The following ZFAND3 variants were observed in gnomAD, a reference collection of about 807,000 sequenced individuals.
The protein encoded by ZFAND3 is AN1-type zinc finger protein 3.
Under a neutral mutation model 29.6 loss-of-function variants are expected in ZFAND3, and 10 were observed. That is an observed-to-expected ratio of 0.34 (90% CI 0.21 to 0.57). ZFAND3 has a LOEUF of 0.57. ZFAND3 is among the 20% of genes least tolerant of loss of function. The probability of loss-of-function intolerance (pLI) is 0.86; values close to 1 mark genes in which losing one functional copy is unlikely to be tolerated. For missense variants in ZFAND3, 230 were observed against 304.5 expected, an observed-to-expected ratio of 0.76 and a Z score of 1.82; for synonymous variants, 128 against 112.6, an observed-to-expected ratio of 1.14 and a Z score of -0.87.
intron 5 of ZFAND3, among the ~76,000 whole-genome samples, chr6:38,133,051 T>G (rs905083099): frequency 6.6e-6 from 1 of 152,220 alleles, no homozygotes; most frequent in Admixed American, 6.5e-5. Flanking sequence ...AGTGTTTGTC[T>G]CCACAGTTTT....
At chr6:38,015,961 A>G (rs1440291464) in intron 2 of ZFAND3, among the ~76,000 whole-genome samples, 1 of 152,208 alleles carries the variant, frequency 6.6e-6, no homozygotes, top group East Asian at 1.9e-4. Context: ...TATTCTCTGT[A>G]ACTTTCTGTA....
At chr6:37,912,904 A>G (rs1013039135) in intron 1 of ZFAND3, among the ~76,000 whole-genome samples, 2 of 152,222 alleles carry the variant, frequency 1.3e-5, no homozygotes, top group African/African-American at 4.8e-5. Flanking sequence ...ACAGTATAGC[A>G]CAAGTTACAC....
At chr6:37,995,823 G>A (rs1446285171) in intron 2 of ZFAND3, among the ~76,000 whole-genome samples, 1 of 151,842 alleles carries the variant, frequency 6.6e-6, no homozygotes, top group Non-Finnish European at 1.5e-5. Flanking sequence ...AATTTTAAAC[G>A]AAATTTAAAA....
At chr6:37,987,182 A>T (rs1762685762) in intron 2 of ZFAND3, among the ~76,000 whole-genome samples, 1 of 152,220 alleles carries the variant, frequency 6.6e-6, no homozygotes, top group Admixed American at 6.5e-5. Context: ...TGGAGTTAGA[A>T]GTGAGTGGCC....
chr6:37,957,990 C>A (rs753197610), intron 2 of ZFAND3, among the ~76,000 whole-genome samples: 1 of 151,958 alleles, frequency 6.6e-6, no homozygotes, highest in Non-Finnish European at 1.5e-5. Context: ...TGGACCAGAT[C>A]AATGAGATCA....
intron 2 of ZFAND3, among the ~76,000 whole-genome samples, chr6:38,043,560 T>TTTTC: frequency 7.3e-6 from 1 of 136,934 alleles, no homozygotes; most frequent in Non-Finnish European, 1.6e-5. Flanking sequence ...CTCTTCCTCC[T>TTTTC]TCCCCTCTTC....
At chr6:37,946,423 G>C (rs185241515) in intron 2 of ZFAND3, among the ~76,000 whole-genome samples, 1 of 152,106 alleles carries the variant, frequency 6.6e-6, no homozygotes, top group Admixed American at 6.5e-5. Flanking sequence ...GGCCTTTGTC[G>C]CACAGCTCAA....
chr6:38,046,480 T>C (rs1230541261), intron 2 of ZFAND3, among the ~76,000 whole-genome samples: 1 of 152,274 alleles, frequency 6.6e-6, no homozygotes, highest in Non-Finnish European at 1.5e-5. Context: ...GTGTTAGTTA[T>C]ACCCAATTTC....
intron 1 of ZFAND3, among the ~76,000 whole-genome samples, chr6:37,893,353 G>A (rs1765137988): frequency 6.6e-6 from 1 of 152,132 alleles, no homozygotes; most frequent in Non-Finnish European, 1.5e-5. Context: ...CTCAATAGAG[G>A]CAGAAAAAGC....
intron 1 of ZFAND3, among the ~76,000 whole-genome samples, chr6:37,864,189 C>T (rs1292399077): frequency 6.6e-6 from 1 of 152,036 alleles, no homozygotes; most frequent in South Asian, 2.1e-4. Context: ...TCTGTATTAC[C>T]GAGGACCAGG....
chr6:37,865,056 T>C (rs1315003739), intron 1 of ZFAND3, among the ~76,000 whole-genome samples: 1 of 152,156 alleles, frequency 6.6e-6, no homozygotes, highest in Non-Finnish European at 1.5e-5. Flanking sequence ...CGGGCACCTA[T>C]AATCTCAGCT....
At chr6:38,118,915 C>T (rs940964010) in intron 5 of ZFAND3, among the ~76,000 whole-genome samples, 1 of 152,110 alleles carries the variant, frequency 6.6e-6, no homozygotes, top group Admixed American at 6.6e-5. Context: ...ATTGGGTTTG[C>T]TTCAGTATGC....
chr6:38,152,617 C>A lies in ZFAND3; in HGVS notation c.*228C>A. 8.1e-7 allele frequency: 1 copy of A among 1,228,846 alleles called. No homozygotes were observed. 76.1% of individuals were successfully genotyped at this position (1,228,846 alleles called of 1,614,324 possible). On this transcript the variant is annotated 3_prime_UTR_variant, in exon 6 of 6. Transcript: ENST00000287218. ...TGCTAGCCATTGTATAAAATTAAAA[C>A]ATGAAGAATATTTTTTTTTTGAGCA...
At chr6:38,103,581 C>T (rs561011752) in intron 4 of ZFAND3, among the ~76,000 whole-genome samples, 2 of 140,742 alleles carry the variant, frequency 1.4e-5, no homozygotes, top group East Asian at 4.0e-4. Flanking sequence ...TCAAGTTTCT[C>T]TCTTTTGGCA....
At chr6:38,082,731 C>T (rs1032574375) in intron 4 of ZFAND3, among the ~76,000 whole-genome samples, 1 of 152,118 alleles carries the variant, frequency 6.6e-6, no homozygotes, top group East Asian at 1.9e-4. Flanking sequence ...TAAGACACAA[C>T]AGAAATGCAG....
chr6:38,025,867 G>A (rs1763437623), intron 2 of ZFAND3, among the ~76,000 whole-genome samples: 1 of 152,192 alleles, frequency 6.6e-6, no homozygotes, highest in Non-Finnish European at 1.5e-5. Flanking sequence ...GCTGCCGGTG[G>A]GAGTTGTCTG....
intron 3 of ZFAND3, 63 bp from the exon 4 acceptor site, chr6:38,082,329 A>G: frequency 6.9e-7 from 1 of 1,440,184 alleles, no homozygotes; most frequent in Middle Eastern, 1.8e-4. Flanking sequence ...TTACTCAGGA[A>G]AGCAACTATA....
intron 1 of ZFAND3, among the ~76,000 whole-genome samples, chr6:37,833,924 T>G (rs1763913746): frequency 1.3e-5 from 2 of 152,064 alleles, no homozygotes; most frequent in African/African-American, 2.4e-5. Flanking sequence ...CATATACCCT[T>G]TAACTGTCTA....
chr6:38,066,144 C>G (rs1764342604), intron 3 of ZFAND3, among the ~76,000 whole-genome samples: 1 of 152,108 alleles, frequency 6.6e-6, no homozygotes, highest in South Asian at 2.1e-4. Context: ...AGCAGCTGTG[C>G]TAGAGTGAGG....
Sources: gnomAD v4.1 joint callset for allele counts (sites outside exome capture counted in the v4.1 genomes callset) on GRCh38, gnomAD v4.1.1 for gene constraint, MANE v1.5 for transcripts, NCBI Gene and HGNC (gene_info 2026-07-23, HGNC 2026-07-21) for gene names.